The following CLEC1B variants were observed in gnomAD, a reference collection of about 807,000 sequenced individuals.
CLEC1B encodes C-type lectin domain family 1 member B.
CLEC1B carries 26 observed loss-of-function variants against 26.7 expected under a neutral mutation model. The ratio of observed to expected loss-of-function variants is 0.97; its 90% CI spans 0.71 to 1.35. The LOEUF (loss-of-function observed/expected upper bound fraction) is 1.35, where lower values mean the gene tolerates loss of function less well. Ranked by LOEUF, CLEC1B falls within the 40% of genes most tolerant of loss-of-function variation. CLEC1B has a pLI of 0.00. For missense variants in CLEC1B, 293 were observed against 282.6 expected, an observed-to-expected ratio of 1.04 and a Z score of -0.26; for synonymous variants, 112 against 96.0, an observed-to-expected ratio of 1.17 and a Z score of -0.97.
upstream of CLEC1B, among the ~76,000 whole-genome samples, chr12:10,001,850 A>T (rs918870288): frequency 8.0e-5 from 12 of 149,702 alleles, no homozygotes; most frequent in African/African-American, 2.9e-4. Flanking sequence ...CCTTTTCTTC[A>T]CTAAGGAAAC....
intron 5 of CLEC1B, 57 bp from the exon 6 acceptor site, chr12:9,993,344 C>T: frequency 2.1e-6 from 3 of 1,436,062 alleles, no homozygotes; most frequent in Non-Finnish European, 2.9e-6. Flanking sequence ...AATCAGTAAT[C>T]AGACTCTGCG....
At chr12:10,000,690 C>T (rs375699815), upstream of CLEC1B, among the ~76,000 whole-genome samples, 5 of 152,182 alleles carry the variant, frequency 3.3e-5, no homozygotes, top group Non-Finnish European at 7.3e-5. Flanking sequence ...GTTCTCATAA[C>T]TTCTGTTTCA....
chr12:9,999,082 A>G lies in CLEC1B; in HGVS notation c.19T>C (p.Tyr7His). 1.2e-6 allele frequency: 2 copies of G among 1,610,336 alleles called. No individual in the cohort carries two copies. The highest frequency in any genetic ancestry group is 1.7e-6 in the Non-Finnish European group (2 of 1,177,292). ...CGAGTTTTAATATTTAAGGTGATGT[A>G]TCCATCTTCATCCTGCATGGCTTCC... MQDEDGYITLNIKTRKP... is the reference protein window; with the variant it reads MQDEDGHITLNIKTRKP... Residue 7 changes from tyrosine to histidine, a missense_variant, in exon 1 of 6, where the codon TAC (tyrosine) becomes CAC (histidine). Transcript: ENST00000298527.
chr12:9,999,712 T>C (rs1245556392), upstream of CLEC1B, among the ~76,000 whole-genome samples: 2 of 152,216 alleles, frequency 1.3e-5, no homozygotes, highest in South Asian at 4.1e-4. Flanking sequence ...GCAGGCCTGA[T>C]ATTGCTTAGA....
chr12:9,993,185 A>G lies in CLEC1B; in HGVS notation c.648T>C (p.Cys216=). 1 of 1,612,374 alleles carries G rather than the reference A, an allele frequency of 6.2e-7. No individual in the cohort carries two copies. Among genetic ancestry groups the G allele is most frequent in the African/African-American group, 1.3e-5 (1 of 74,962 alleles). ...CCTTGGTCATGCCAGCCTTCCTCTC[A>G]CACATTAAATAATGTTTGTTCTCAC... The part of the protein sequence containing the change: ...TFCENKHYLM[C]ERKAGMTKVD... Residue 216 remains cysteine (C), a synonymous_variant, in exon 6 of 6, where the codon TGT becomes TGC. Coordinates refer to ENST00000298527, the MANE Select transcript of CLEC1B (RefSeq NM_016509.4).
At position 9,998,196 on chromosome 12, in the gene CLEC1B, C is replaced by T. The variant is rs749886210; in HGVS notation, c.163+86G>A. 42 of 984,844 alleles carry T rather than the reference C, an allele frequency of 4.3e-5. No homozygotes were observed. The East Asian group carries it at 4.8e-4, about 11-fold the overall frequency. 61.0% of individuals were successfully genotyped at this position (984,844 alleles called of 1,614,324 possible). A position where few individuals can be genotyped will look rare whatever the true frequency, so the allele number is the denominator to read the frequency against. On this transcript the variant is annotated intron_variant, in intron 2 of 5. Coordinates refer to ENST00000298527, the MANE Select transcript of CLEC1B (RefSeq NM_016509.4). ...GTAGAAGTGATAAACAGACAAATAG[C>T]GACCATTGAGAAGCTTAGTGGGATA... is the stretch of plus-strand genomic sequence containing the variant.
intron 5 of CLEC1B, 200 bp downstream of exon 5, chr12:9,994,940 T>C (rs1864998634): frequency 7.3e-7 from 1 of 1,375,444 alleles, no homozygotes; most frequent in Non-Finnish European, 9.7e-7. Context: ...AGGTGGATTG[T>C]GGCTTAGATA....
Position 9,996,465 on chromosome 12 carries a change from G to A in CLEC1B, c.438+381C>T, listed in dbSNP as rs1037698020. Among the ~76,000 whole-genome samples, 6 of 152,254 alleles carry A rather than the reference G, an allele frequency of 3.9e-5. No homozygotes were observed. In the South Asian group the frequency reaches 1.2e-3, roughly 32 times the overall value. The stretch of plus-strand genomic sequence containing the variant: ...TTATTTTGCTGGAGTGGAAAGAAAA[G>A]CTAATTTATGTAACTGGATATCTTC... On this transcript the variant is annotated intron_variant, in intron 4 of 5. Transcript: ENST00000298527.
Position 9,997,198 on chromosome 12 carries a change from T to A in CLEC1B, c.245A>T (p.Gln82Leu), listed in dbSNP as rs1408184148. 3 of 1,613,912 alleles carry A rather than the reference T, an allele frequency of 1.9e-6. No individual in the cohort carries two copies. Among genetic ancestry groups the A allele is most frequent in the Non-Finnish European group, 1.7e-6 (2 of 1,179,984 alleles). The part of the protein sequence containing the change: ...TLQQLAKRFC[Q>L]YVVKQSELKG... ...TAGTTCTGATTGTTTTACCACATAT[T>A]GACAGAAGCGCTTTGCTAATTGTTG... The change falls in exon 3 of 6, where the codon CAA becomes CTA. Residue 82 changes from glutamine to leucine, a missense_variant. Physicochemically the swap from Gln to Leu is moderately radical, Grantham distance 113. Coordinates refer to ENST00000298527, the MANE Select transcript of CLEC1B (RefSeq NM_016509.4).
At chr12:10,000,850 G>A (rs536279381), upstream of CLEC1B, among the ~76,000 whole-genome samples, 5 of 152,256 alleles carry the variant, frequency 3.3e-5, no homozygotes, top group South Asian at 1.0e-3. Flanking sequence ...AGTAACCCCT[G>A]TCTTTCACGT....
chr12:9,998,155 T>C, intron 2 of CLEC1B, 127 bp downstream of exon 2: 1 of 700,358 alleles, frequency 1.4e-6, no homozygotes, highest in Non-Finnish European at 2.6e-6. Context: ...TCTTGGCAAC[T>C]ATCTGTAGGA....
chr12:10,001,195 G>A (rs1260854911), upstream of CLEC1B, among the ~76,000 whole-genome samples: 2 of 152,120 alleles, frequency 1.3e-5, no homozygotes, highest in Non-Finnish European at 2.9e-5. Flanking sequence ...CTTTGTTGAG[G>A]TTTCCACATT....
chr12:9,996,604 AT>A (rs67059054), intron 4 of CLEC1B: 341,738 of 601,186 alleles, frequency 0.57, 98,831 homozygotes, highest in East Asian at 0.71. Context: ...GTGACCCACT[AT>A]GTACCTGAGC....
At position 9,993,150 on chromosome 12, in the gene CLEC1B, A is replaced by G. The variant is rs375345439; in HGVS notation, c.683T>C (p.Leu228Pro). Residue 228 changes from leucine (L) to proline (P), a missense_variant, in exon 6 of 6, where the codon CTA becomes CCA. By Grantham distance (98) the Leu-to-Pro change is moderately conservative. Coordinates refer to ENST00000298527, the MANE Select transcript of CLEC1B (RefSeq NM_016509.4). ...CCTGTCCACCTCTTTGCATTAAGGTAGTTGGTCCACCTTGGTCATGCCAGC... is the reference window on the plus strand; with the variant it reads ...CCTGTCCACCTCTTTGCATTAAGGTGGTTGGTCCACCTTGGTCATGCCAGC... ...RKAGMTKVDQLP is the reference protein window; with the variant it reads ...RKAGMTKVDQPP 10 of 1,609,490 alleles carry G rather than the reference A, an allele frequency of 6.2e-6. No homozygotes were observed. Among genetic ancestry groups the G allele is most frequent in the African/African-American group, 1.3e-5 (1 of 74,792 alleles).
intron 2 of CLEC1B, 41 bp from the exon 3 acceptor site, chr12:9,997,320 C>G: frequency 1.3e-6 from 2 of 1,560,562 alleles, no homozygotes; most frequent in Non-Finnish European, 1.7e-6. Context: ...GTAATTAGAA[C>G]CATAGAAATG....
At chr12:9,995,372 G>T in intron 4 of CLEC1B, 126 bp from the exon 5 acceptor site, 1 of 786,126 alleles carries the variant, frequency 1.3e-6, no homozygotes, top group Non-Finnish European at 2.2e-6. Context: ...AGTATTAATG[G>T]ATTACATTTG....
intron 2 of CLEC1B, among the ~76,000 whole-genome samples, chr12:9,997,970 A>G (rs1383829620): frequency 9.5e-6 from 1 of 104,824 alleles, no homozygotes. Flanking sequence ...GCTGGTTCTT[A>G]GGAATGCAAG....
At chr12:9,995,107 A>C in intron 5 of CLEC1B, 33 bp downstream of exon 5, 1 of 1,604,424 alleles carries the variant, frequency 6.2e-7, no homozygotes, top group South Asian at 1.1e-5. Flanking sequence ...AGTTTCCAGT[A>C]CTCCCTCCTA....
chr12:9,998,744 C>T (rs537767815), intron 1 of CLEC1B, among the ~76,000 whole-genome samples: 1 of 152,142 alleles, frequency 6.6e-6, no homozygotes, highest in East Asian at 1.9e-4. Flanking sequence ...CTCATTTGCT[C>T]ACATATAGAA....
Sources: gnomAD v4.1 joint callset for allele counts (sites outside exome capture counted in the v4.1 genomes callset) on GRCh38, gnomAD v4.1.1 for gene constraint, MANE v1.5 for transcripts, NCBI Gene and HGNC (gene_info 2026-07-23, HGNC 2026-07-21) for gene names.